Variants in LNX2 observed in about 807,000 individuals in gnomAD.
LNX2 encodes ligand of numb-protein X 2, also known as ligand of Numb protein X 2.
Under a neutral mutation model 66.2 loss-of-function variants are expected in LNX2, and 35 were observed. The observed-to-expected ratio is 0.53, with a 90% confidence interval of 0.40 to 0.70. LNX2 has a LOEUF of 0.70. Among genes scored for constraint, LNX2 ranks in the 30% least tolerant of loss-of-function variants. LNX2 has a pLI of 0.00. For synonymous variants in LNX2, 337 were observed against 315.6 expected, an observed-to-expected ratio of 1.07 and a Z score of -0.72; for missense variants, 791 against 850.8, an observed-to-expected ratio of 0.93 and a Z score of 0.87.
chr13:27,575,171 T>C (rs77363018), intron 2 of LNX2, among the ~76,000 whole-genome samples: 6,681 of 152,284 alleles, frequency 0.044, 208 homozygotes, highest in Non-Finnish European at 0.067. Context: ...TGTAATTCTT[T>C]TACTCCTATC....
intron 1 of LNX2, among the ~76,000 whole-genome samples, chr13:27,583,213 T>TGCGCGCGCGCGCGC (rs1212996912): frequency 4.3e-5 from 1 of 23,264 alleles, no homozygotes; most frequent in Non-Finnish European, 7.9e-5. Flanking sequence ...TGTGTGTGTG[T>TGCGCGCGCGCGCGC]GTGTGTGTGT....
At position 27,572,557 on chromosome 13, in the gene LNX2, C is replaced by G. The variant is rs1364534460; in HGVS notation, c.408-3281G>C. 2.0e-5 allele frequency among the ~76,000 whole-genome samples: 3 copies of G among 152,204 alleles called. No individual in the cohort carries two copies. In the East Asian group the frequency reaches 5.8e-4, roughly 29 times the overall value. On this transcript the variant is annotated intron_variant, in intron 2 of 9. Coordinates refer to ENST00000316334, the MANE Select transcript of LNX2 (RefSeq NM_153371.4). ...CTTAAATAAAACCAAAATGCTCTTGCAGCAGCCAAGACCCAAATAGGGATT... is the reference window on the plus strand; with the variant it reads ...CTTAAATAAAACCAAAATGCTCTTGGAGCAGCCAAGACCCAAATAGGGATT...
rs145149379 is a variant in LNX2 at position 27,562,768 on chromosome 13, T to C, written c.869A>G (p.Asn290Ser). ...ATAGTTATGGGACACATTGCTGATA[T>C]TGTAGTTGTTGACCTAGAAAAAAAG... The part of the protein sequence containing the change: ...GDQILQVNNY[N>S]ISNVSHNYAR... Residue 290 changes from asparagine (N) to serine (S), a missense_variant, in exon 5 of 10, where the codon AAT becomes AGT. Physicochemically the swap from Asn to Ser is conservative, Grantham distance 46. Coordinates refer to ENST00000316334, the MANE Select transcript of LNX2 (RefSeq NM_153371.4). 2.2e-5 allele frequency: 36 copies of C among 1,603,248 alleles called. No individual in the cohort carries two copies. In the East Asian group the frequency reaches 3.4e-4, roughly 15 times the overall value.
At chr13:27,568,976 G>T in intron 3 of LNX2, 53 bp downstream of exon 3, 1 of 1,512,022 alleles carries the variant, frequency 6.6e-7, no homozygotes, top group Middle Eastern at 1.8e-4. Flanking sequence ...TGGGCAAGTA[G>T]TGGGAAGAAA....
chr13:27,610,255 T>C (rs1342267166), intron 1 of LNX2, among the ~76,000 whole-genome samples: 1 of 152,202 alleles, frequency 6.6e-6, no homozygotes, highest in African/African-American at 2.4e-5. Context: ...ACCCAGACTA[T>C]CGACTGTTTC....
intron 1 of LNX2, among the ~76,000 whole-genome samples, chr13:27,586,371 T>C (rs560483608): frequency 2.0e-5 from 3 of 152,276 alleles, no homozygotes; most frequent in Non-Finnish European, 4.4e-5. Flanking sequence ...GAGAAAGGCA[T>C]CCTGACCTCA....
At position 27,562,655 on chromosome 13, in the gene LNX2, A is replaced by C. The variant is rs1955150334; in HGVS notation, c.982T>G (p.Ser328Ala). The C allele has an allele frequency of 6.2e-7, 1 of 1,614,026 alleles. No individual in the cohort carries two copies. Among genetic ancestry groups the C allele is most frequent in the African/African-American group, 1.3e-5 (1 of 74,910 alleles). The change falls in exon 5 of 10, where the codon TCT becomes GCT. Residue 328 changes from serine to alanine, a missense_variant. By Grantham distance (99) the Ser-to-Ala change is moderately conservative (BLOSUM62 1). Transcript: ENST00000316334. Reference sequence around the variant, plus strand: ...TCTTCTCGTGGAGAGTTACTATCAGAATGGTTGTGTGCTCGGTTGCCAAAG... The same window carrying C: ...TCTTCTCGTGGAGAGTTACTATCAGCATGGTTGTGTGCTCGGTTGCCAAAG... Reference protein sequence around the residue: ...RRFGNRAHNHSDSNSPREEIF... With the variant: ...RRFGNRAHNHADSNSPREEIF...
chr13:27,577,471 C>T (rs953767678), intron 2 of LNX2, among the ~76,000 whole-genome samples: 1 of 152,058 alleles, frequency 6.6e-6, no homozygotes, highest in African/African-American at 2.4e-5. Context: ...CTTTTGGCTT[C>T]CCTGGGCCAC....
chr13:27,549,837 G>A (rs528005012), intron 9 of LNX2, among the ~76,000 whole-genome samples: 2 of 152,322 alleles, frequency 1.3e-5, no homozygotes, highest in South Asian at 4.1e-4. Context: ...GCATAAATAC[G>A]ATCTCAGGTA....
In LNX2 at chr13:27,569,257, G is replaced by A. The variant is rs774999479; in HGVS notation, c.427C>T (p.Arg143Trp). The A allele has an allele frequency of 1.8e-5, 29 of 1,612,666 alleles. No homozygotes were observed. Among genetic ancestry groups the A allele is most frequent in the African/African-American group, 5.4e-5 (4 of 74,734 alleles). Residue 143 changes from arginine (R) to tryptophan (W), a missense_variant, in exon 3 of 10, where the codon CGG becomes TGG. By Grantham distance (101) the Arg-to-Trp change is moderately radical. Transcript: ENST00000316334. ...LKNRCPGASH[R>W]RVALERRKTS... Reference sequence around the variant, plus strand: ...TTCCTTCTCTCCAGGGCAACTCTCCGATGAGAAGCTCCAGGACATCTAGAA... The same window carrying A: ...TTCCTTCTCTCCAGGGCAACTCTCCAATGAGAAGCTCCAGGACATCTAGAA...
intron 2 of LNX2, among the ~76,000 whole-genome samples, chr13:27,573,924 G>GAAAAAAAAAAAAAAAA (rs58411252): frequency 7.6e-6 from 1 of 131,424 alleles, no homozygotes; most frequent in African/African-American, 2.7e-5. Context: ...CCATTCACAG[G>GAAAAAAAAAAAAAAAA]AAAAAAAAAA....
At chr13:27,583,743 C>T (rs183210403) in intron 1 of LNX2, among the ~76,000 whole-genome samples, 2 of 152,158 alleles carry the variant, frequency 1.3e-5, no homozygotes, top group East Asian at 3.9e-4. Context: ...CTAGAATGTA[C>T]CAAACGTTGA....
intron 1 of LNX2, among the ~76,000 whole-genome samples, chr13:27,601,917 A>T (rs1273622386): frequency 6.6e-6 from 1 of 152,146 alleles, no homozygotes; most frequent in Non-Finnish European, 1.5e-5. Context: ...TTCAGGGTAA[A>T]CACTTGTACT....
rs181835407 is a variant in LNX2, at chr13:27,583,167, G to A, written c.-100-1364C>T. ...GATTTGGGCTTGCTTACTCAGAGCA[G>A]CAGTGTGTGTGTGTGTGTGTGTGTG... On this transcript the variant is annotated intron_variant, in intron 1 of 9. Coordinates refer to ENST00000316334, the MANE Select transcript of LNX2 (RefSeq NM_153371.4). 4.6e-3 allele frequency among the ~76,000 whole-genome samples: 248 copies of A among 54,330 alleles called. 5 individuals are homozygous for A. Among genetic ancestry groups the A allele is most frequent in the African/African-American group, 0.023 (234 of 10,070 alleles). 35.6% of individuals were successfully genotyped at this position (54,330 alleles called of 152,430 possible).
intron 1 of LNX2, among the ~76,000 whole-genome samples, chr13:27,599,524 CCGTAAA>C (rs1955633665): frequency 6.6e-6 from 1 of 152,138 alleles, no homozygotes; most frequent in Non-Finnish European, 1.5e-5. Context: ...CTTACGATTC[CCGTAAA>C]AGAAATTCAT....
chr13:27,574,828 C>T (rs563772322), intron 2 of LNX2, among the ~76,000 whole-genome samples: 1 of 152,236 alleles, frequency 6.6e-6, no homozygotes, highest in South Asian at 2.1e-4. Context: ...AACAGCTCAT[C>T]ACAAGGAAAG....
chr13:27,612,241 T>C (rs137989757), intron 1 of LNX2, among the ~76,000 whole-genome samples: 23 of 152,328 alleles, frequency 1.5e-4, no homozygotes, highest in Non-Finnish European at 2.5e-4. Context: ...AAAACCCTCA[T>C]TGGGGCTAAC....
At chr13:27,585,128 G>GAAAAAA (rs1353492100) in intron 1 of LNX2, among the ~76,000 whole-genome samples, 1 of 78,328 alleles carries the variant, frequency 1.3e-5, no homozygotes, top group Non-Finnish European at 2.7e-5. Context: ...CTCAGAAAAA[G>GAAAAAA]AAAAAAAAAA....
chr13:27,567,150 G>A (rs1222774739), intron 4 of LNX2, among the ~76,000 whole-genome samples: 1 of 152,114 alleles, frequency 6.6e-6, no homozygotes, highest in Non-Finnish European at 1.5e-5. Context: ...CAAGATTTCT[G>A]AACTCTATCT....
Sources: gnomAD v4.1 joint callset for allele counts (sites outside exome capture counted in the v4.1 genomes callset) on GRCh38, gnomAD v4.1.1 for gene constraint, MANE v1.5 for transcripts, NCBI Gene and HGNC (gene_info 2026-07-23, HGNC 2026-07-21) for gene names.